AKR1C3: variants seen among roughly 807,000 people sequenced by gnomAD.
AKR1C3 encodes 3-alpha hydroxysteroid dehydrogenase, type II.
Under a neutral mutation model 43.6 loss-of-function variants are expected in AKR1C3, and 48 were observed. The ratio of observed to expected loss-of-function variants is 1.10; its 90% CI spans 0.87 to 1.40. AKR1C3 has a LOEUF of 1.40. Ranked by LOEUF, AKR1C3 falls within the 40% of genes most tolerant of loss-of-function variation. The pLI is 0.00. For missense variants in AKR1C3, 482 were observed against 391.2 expected (o/e 1.23, Z -1.96); for synonymous variants, 162 against 139.6 (o/e 1.16, Z -1.13).
intron 3 of AKR1C3, 57 bp downstream of exon 3, chr10:5,097,607 T>G (rs782493365): frequency 2.4e-5 from 39 of 1,610,110 alleles, no homozygotes; most frequent in Non-Finnish European, 3.3e-5. Context: ...AAACATTGTT[T>G]ATCTGGATAG....
intron 1 of AKR1C3, among the ~76,000 whole-genome samples, chr10:5,078,802 C>T (rs900390120): frequency 6.6e-6 from 1 of 152,148 alleles, no homozygotes; most frequent in Non-Finnish European, 1.5e-5. Context: ...AAATATTTGC[C>T]ATTGAAGCAA....
intron 1 of AKR1C3, among the ~76,000 whole-genome samples, chr10:5,064,791 G>C (rs1838460684): frequency 6.6e-6 from 1 of 151,520 alleles, no homozygotes; most frequent in Admixed American, 6.6e-5. Flanking sequence ...CAACATCACT[G>C]ATCATTAGAG....
chr10:5,070,731 G>T (rs1430521067), intron 1 of AKR1C3, among the ~76,000 whole-genome samples: 3 of 152,146 alleles, frequency 2.0e-5, no homozygotes, highest in East Asian at 1.9e-4. Context: ...TCCCTTTTGT[G>T]ACATGAGGAT....
chr10:5,101,242 C>T (rs1273566252), intron 5 of AKR1C3, among the ~76,000 whole-genome samples: 1 of 152,196 alleles, frequency 6.6e-6, no homozygotes, highest in Non-Finnish European at 1.5e-5. Flanking sequence ...TAATTCCTAA[C>T]AGAAGAAGTC....
chr10:5,087,022 C>T (rs1456740442), intron 1 of AKR1C3, among the ~76,000 whole-genome samples: 1 of 152,076 alleles, frequency 6.6e-6, no homozygotes, highest in Non-Finnish European at 1.5e-5. Context: ...ACTCTTTATC[C>T]AATTTGCCAG....
rs559965687 is a variant in AKR1C3 at position 5,059,044 on chromosome 10, G to A, written c.84+10149G>A. Among the ~76,000 whole-genome samples, 298 of 152,272 alleles carry A rather than the reference G, an allele frequency of 2.0e-3. 2 individuals carry two copies. Among genetic ancestry groups the A allele is most frequent in the African/African-American group, 6.3e-3 (262 of 41,546 alleles). On this transcript the variant is annotated intron_variant, in intron 1 of 8. Coordinates refer to the AKR1C3 transcript ENST00000439082. ...TGACACCTTTTGTCTTTACTTATAT[G>A]AATAGGAAGGATACAATTTCTGAGG...
intron 1 of AKR1C3, among the ~76,000 whole-genome samples, chr10:5,060,806 G>A (rs932381845): frequency 8.5e-5 from 13 of 152,218 alleles, no homozygotes; most frequent in Admixed American, 2.6e-4. Flanking sequence ...AGGCATGGCG[G>A]GCTGCAGATC....
At chr10:5,063,769 A>C (rs1469848635) in intron 1 of AKR1C3, among the ~76,000 whole-genome samples, 2 of 136,694 alleles carry the variant, frequency 1.5e-5, no homozygotes, top group African/African-American at 5.9e-5. Flanking sequence ...TCTCAGCAAA[A>C]AAAAAAAAAA....
At chr10:5,076,404 G>C (rs1049508360) in intron 1 of AKR1C3, among the ~76,000 whole-genome samples, 12 of 150,652 alleles carry the variant, frequency 8.0e-5, no homozygotes, top group African/African-American at 2.7e-4. Context: ...TGTTCTCTCT[G>C]TCTCTCTCTC....
chr10:5,099,470 C>G (rs374762442), intron 5 of AKR1C3, 21 bp downstream of exon 5: 30 of 1,614,012 alleles, frequency 1.9e-5, no homozygotes, highest in Non-Finnish European at 2.5e-5. Context: ...TTGGCCTTCT[C>G]TCCTTTCGGT....
rs781789540 is a variant in AKR1C3, at chr10:5,099,334, A to G, written c.455A>G (p.Glu152Gly). ...VDLCTTWEAMEKCKDAGLAKS... is the reference protein window; with the variant it reads ...VDLCTTWEAMGKCKDAGLAKS... The stretch of plus-strand genomic sequence containing the variant: ...CAACCCCTTTCTCCACAGGCCATGG[A>G]GAAGTGTAAGGATGCAGGATTGGCC... The change falls in exon 5 of 9, where the codon GAG (glutamate) becomes GGG (glycine). Residue 152 changes from glutamate to glycine, a missense_variant. Coordinates refer to ENST00000380554, the MANE Select transcript of AKR1C3 (RefSeq NM_003739.6). 3.1e-6 allele frequency: 5 copies of G among 1,613,962 alleles called. No individual in the cohort carries two copies. Among genetic ancestry groups the G allele is most frequent in the Non-Finnish European group, 4.2e-6 (5 of 1,180,028 alleles).
intron 1 of AKR1C3, among the ~76,000 whole-genome samples, chr10:5,050,332 T>C (rs1464686110): frequency 1.3e-5 from 2 of 152,118 alleles, no homozygotes; most frequent in South Asian, 4.1e-4. Context: ...ATTCTGAGAA[T>C]AATGAAATTT....
intron 1 of AKR1C3, among the ~76,000 whole-genome samples, chr10:5,075,483 T>TA (rs782329231): frequency 6.6e-6 from 1 of 151,670 alleles, no homozygotes; most frequent in Non-Finnish European, 1.5e-5. Context: ...AAGTTTTTTT[T>TA]AACACCCTGT....
At chr10:5,094,576 G>C in intron 1 of AKR1C3, 48 bp downstream of exon 1, 1 of 1,596,202 alleles carries the variant, frequency 6.3e-7, no homozygotes, top group Non-Finnish European at 8.6e-7. Flanking sequence ...AATAAACCTA[G>C]TAGAAGTGAA....
In AKR1C3 at chr10:5,077,881, G is replaced by T. The variant is rs2131812747; in HGVS notation, c.85-18529G>T. On this transcript the variant is annotated intron_variant, in intron 1 of 8. Transcript: ENST00000439082. ...TTATTTCTAAACAGAACTAAGATCAGAATTCTTTGAATCATCAGAATCATC... is the reference window on the plus strand; with the variant it reads ...TTATTTCTAAACAGAACTAAGATCATAATTCTTTGAATCATCAGAATCATC... The T allele has an allele frequency of 5.0e-6, 3 of 595,506 alleles. No homozygotes were observed. In the South Asian group the frequency reaches 6.4e-5, roughly 13 times the overall value. The allele number at this position is 595,506 out of a possible 1,614,324, so 36.9% of individuals were successfully genotyped here.
At chr10:5,058,430 C>G (rs149079068) in intron 1 of AKR1C3, among the ~76,000 whole-genome samples, 1 of 152,166 alleles carries the variant, frequency 6.6e-6, no homozygotes. Context: ...AAATGAGCCA[C>G]CTCTTTTTCA....
chr10:5,098,117 G>A, intron 3 of AKR1C3: 5 of 986,748 alleles, frequency 5.1e-6, no homozygotes, highest in Non-Finnish European at 6.0e-6. Flanking sequence ...TAAAGTTACA[G>A]AAAACTACTC....
At chr10:5,083,118 C>A (rs567371534) in intron 1 of AKR1C3, among the ~76,000 whole-genome samples, 1 of 151,970 alleles carries the variant, frequency 6.6e-6, no homozygotes, top group African/African-American at 2.4e-5. Flanking sequence ...GGTACATGTG[C>A]ACAACGTGCA....
intron 4 of AKR1C3, among the ~76,000 whole-genome samples, 192 bp from the exon 5 acceptor site, chr10:5,099,135 T>G (rs374254013): frequency 5.3e-5 from 8 of 152,208 alleles, no homozygotes; most frequent in African/African-American, 1.9e-4. Flanking sequence ...AAGGAAGAGA[T>G]AGAAATTCTT....
Sources: allele counts gnomAD v4.1 joint callset (sites outside exome capture counted in the v4.1 genomes callset), GRCh38; gene constraint gnomAD v4.1.1; transcripts MANE v1.5; gene names NCBI Gene and HGNC (gene_info 2026-07-23, HGNC 2026-07-21).